Variants in FHAD1 observed in about 807,000 individuals in gnomAD.
The protein encoded by FHAD1 is forkhead associated phosphopeptide binding domain 1, also known as forkhead-associated domain-containing protein 1.
FHAD1 carries 146 observed loss-of-function variants against 191.3 expected under a neutral mutation model. The observed-to-expected ratio is 0.76, with a 90% confidence interval of 0.67 to 0.88. FHAD1 has a LOEUF of 0.88. Ranked by LOEUF, FHAD1 falls within the 40% of genes least tolerant of loss-of-function variation. The probability of loss-of-function intolerance (pLI) is 0.00; values close to 1 mark genes in which losing one functional copy is unlikely to be tolerated. For missense variants in FHAD1, 1,635 were observed against 1,785.8 expected (o/e 0.92, Z 1.52); for synonymous variants, 616 against 672.3 (o/e 0.92, Z 1.29).
Position 15,381,302 on chromosome 1 carries a change from A to G in FHAD1, c.3873A>G (p.Lys1291=). 6.4e-7 allele frequency: 1 copy of G among 1,551,670 alleles called. No homozygotes were observed. The highest frequency in any genetic ancestry group is 8.7e-7 in the Non-Finnish European group (1 of 1,146,960). The change falls in exon 30 of 34, where the codon AAA becomes AAG. Residue 1291 remains lysine (K), a synonymous_variant. Transcript: ENST00000688493. The surrounding 1 kb of genome is among the most constrained non-coding windows in gnomAD (Gnocchi z 4.6). ...ATATGTCAGGCCACGTGTCCATGAA[A>G]TACCTCTCCCGCCAGGAGAGGGAGA... The part of the protein sequence containing the change: ...IKNMSGHVSM[K]YLSRQEREKV...
chr1:15,400,745 C>T (rs925144777), downstream of FHAD1, among the ~76,000 whole-genome samples: 1 of 152,254 alleles, frequency 6.6e-6, no homozygotes, highest in African/African-American at 2.4e-5. Context: ...CACGCTTTGT[C>T]TCTGCTCAGC....
chr1:15,397,080 A>G lies in FHAD1; in HGVS notation c.4324-217A>G, dbSNP rs1366323160. Among the ~76,000 whole-genome samples the G allele has an allele frequency of 4.8e-5, 7 of 145,976 alleles. No individual in the cohort carries two copies. The Admixed American group carries it at 4.8e-4, about 10-fold the overall frequency. On this transcript the variant is annotated intron_variant, in intron 33 of 33. Transcript: ENST00000688493. ...GTGGCGGGCGCCTGTAGTCCCAGCT[A>G]CTCGGGAGGCTGAGGCAGGAGAATG...
At chr1:15,366,698 G>T (rs114663657) in intron 24 of FHAD1, among the ~76,000 whole-genome samples, 1 of 152,152 alleles carries the variant, frequency 6.6e-6, no homozygotes, top group African/African-American at 2.4e-5. Context: ...TTCTTCCTAC[G>T]GTTGACATGG....
intron 2 of FHAD1, among the ~76,000 whole-genome samples, chr1:15,258,007 A>C (rs1000638094): frequency 6.6e-6 from 1 of 151,994 alleles, no homozygotes; most frequent in Non-Finnish European, 1.5e-5. Context: ...ATGCCTGGCT[A>C]ATTTTTGTAT....
chr1:15,245,141 G>A (rs1016609523), upstream of FHAD1, among the ~76,000 whole-genome samples: 4 of 152,188 alleles, frequency 2.6e-5, no homozygotes, highest in African/African-American at 9.6e-5. Context: ...CCATCCATGA[G>A]GGATTCGCCC....
At chr1:15,254,765 C>A (rs74053824) in intron 2 of FHAD1, among the ~76,000 whole-genome samples, 16,634 of 152,078 alleles carry the variant, frequency 0.11, 2,037 homozygotes, top group African/African-American at 0.29. Context: ...CATGAATTGC[C>A]AAATGCTTTG....
chr1:15,357,465 A>C (rs1693201172), intron 20 of FHAD1, among the ~76,000 whole-genome samples: 1 of 152,124 alleles, frequency 6.6e-6, no homozygotes, highest in African/African-American at 2.4e-5. Context: ...TCTACTAAAA[A>C]TACAAAAATT....
intron 2 of FHAD1, among the ~76,000 whole-genome samples, chr1:15,266,832 A>C (rs1653740109): frequency 6.6e-6 from 1 of 152,222 alleles, no homozygotes; most frequent in African/African-American, 2.4e-5. Context: ...AGTTGAAATC[A>C]TACAATATGT....
Position 15,316,332 on chromosome 1 carries a change from A to G in FHAD1, c.1171-46A>G, listed in dbSNP as rs780367480. 21 of 1,494,202 alleles carry G rather than the reference A, an allele frequency of 1.4e-5. No homozygotes were observed. The South Asian group carries it at 1.6e-4, about 11-fold the overall frequency. The allele number at this position is 1,494,202 out of a possible 1,614,324, so 92.6% of individuals were successfully genotyped here. A position where few individuals can be genotyped will look rare whatever the true frequency, so the allele number is the denominator to read the frequency against. ...AGCCCCTCCTTCCCCCGACAACCCT[A>G]CCTGGCCAACGTTGGCCTCTTTCTG... On this transcript the variant is annotated intron_variant, in intron 8 of 33. Coordinates refer to ENST00000688493, the MANE Select transcript of FHAD1 (RefSeq NM_001391957.1). The surrounding 1 kb of genome is among the most constrained non-coding windows in gnomAD (Gnocchi z 4.3).
chr1:15,402,110 T>C (rs748140176), downstream of FHAD1, among the ~76,000 whole-genome samples: 16 of 152,182 alleles, frequency 1.1e-4, no homozygotes, highest in Non-Finnish European at 1.9e-4. Context: ...TGTGGTCTTA[T>C]CATCAGAGAG....
At chr1:15,333,182 C>A (rs992656325) in intron 14 of FHAD1, among the ~76,000 whole-genome samples, 1 of 152,178 alleles carries the variant, frequency 6.6e-6, no homozygotes, top group African/African-American at 2.4e-5. Flanking sequence ...GGCATTTTCT[C>A]TTCTAATACA....
intron 26 of FHAD1, among the ~76,000 whole-genome samples, chr1:15,371,401 G>C (rs974214345): frequency 1.3e-5 from 2 of 152,212 alleles, no homozygotes; most frequent in Non-Finnish European, 2.9e-5. Flanking sequence ...AAATGTATTT[G>C]TTCCTTCTTG....
Position 15,335,442 on chromosome 1 carries a change from A to G in FHAD1, c.1907-4039A>G, listed in dbSNP as rs1192527445. On this transcript the variant is annotated intron_variant, in intron 14 of 33. Transcript: ENST00000688493. ...CAAGATACACTGTGTCTTTAACTGA[A>G]AAGAAAGCAAGTTGCAATACAATAT... 6 of 152,322 alleles carry G rather than the reference A, an allele frequency of 3.9e-5. No individual in the cohort carries two copies. The East Asian group carries it at 5.8e-4, about 15-fold the overall frequency. 9.4% of individuals were successfully genotyped at this position (152,322 alleles called of 1,614,324 possible). A position where few individuals can be genotyped will look rare whatever the true frequency, so the allele number is the denominator to read the frequency against.
rs1686800115 is a variant in FHAD1 at position 15,341,798 on chromosome 1, T to C, written c.2040T>C (p.His680=). ...QSLLQEKLRE[H]LAEKEKLNEE... The stretch of plus-strand genomic sequence containing the variant: ...TACTGCAGGAAAAGCTGCGGGAGCA[T>C]CTGGCAGAGAAGGAGAAGCTGAACG... Residue 680 remains histidine (H), a synonymous_variant, in exon 16 of 34, where the codon CAT becomes CAC. Transcript: ENST00000688493. The C allele has an allele frequency of 6.4e-7, 1 of 1,551,874 alleles. No individual in the cohort carries two copies. Among genetic ancestry groups the C allele is most frequent in the East Asian group, 2.4e-5 (1 of 40,928 alleles).
chr1:15,295,634 C>CATATATAT (rs34586844), intron 4 of FHAD1, among the ~76,000 whole-genome samples: 2 of 150,416 alleles, frequency 1.3e-5, no homozygotes, highest in African/African-American at 4.9e-5. Context: ...TCTCTCTAAA[C>CATATATAT]ATATATATAT....
intron 5 of FHAD1, among the ~76,000 whole-genome samples, chr1:15,300,656 G>A (rs1668432184): frequency 6.6e-6 from 1 of 152,054 alleles, no homozygotes; most frequent in Non-Finnish European, 1.5e-5. Flanking sequence ...TATAATTTTA[G>A]GGGAAAGGAA....
chr1:15,246,837 C>A (rs1055189770), upstream of FHAD1, among the ~76,000 whole-genome samples: 2 of 152,062 alleles, frequency 1.3e-5, no homozygotes, highest in Non-Finnish European at 2.9e-5. Flanking sequence ...TTTCTATTTT[C>A]TGGCCTGTAA....
chr1:15,239,145 G>T (rs917943924), intron 1 of FHAD1, among the ~76,000 whole-genome samples: 4 of 152,148 alleles, frequency 2.6e-5, no homozygotes, highest in African/African-American at 9.7e-5. Context: ...GGGCTGACAT[G>T]ATCCTCTCAC....
At chr1:15,243,934 G>C (rs1488022123), upstream of FHAD1, among the ~76,000 whole-genome samples, 1 of 152,172 alleles carries the variant, frequency 6.6e-6, no homozygotes, top group East Asian at 1.9e-4. Flanking sequence ...ACTTTAGGCA[G>C]ATTTCTCCCT....
Sources: gnomAD v4.1 joint callset for allele counts (sites outside exome capture counted in the v4.1 genomes callset) on GRCh38, gnomAD v4.1.1 for gene constraint, Gnocchi (gnomAD v3.1) non-coding constraint, MANE v1.5 for transcripts, NCBI Gene and HGNC (gene_info 2026-07-23, HGNC 2026-07-21) for gene names.